ADGRL3: variants seen among roughly 807,000 people sequenced by gnomAD.
ADGRL3 encodes calcium-independent alpha-latrotoxin receptor 3.
Under a neutral mutation model 153.5 loss-of-function variants are expected in ADGRL3, and 62 were observed. That is an observed-to-expected ratio of 0.40 (90% CI 0.33 to 0.50). The LOEUF (loss-of-function observed/expected upper bound fraction) is 0.50, where lower values mean the gene tolerates loss of function less well. Among genes scored for constraint, ADGRL3 ranks in the 20% least tolerant of loss-of-function variants. The pLI is 0.47. For missense variants in ADGRL3, 1,641 were observed against 1,859.4 expected (o/e 0.88, Z 2.16); for synonymous variants, 710 against 672.5 (o/e 1.06, Z -0.86).
intron 1 of ADGRL3, among the ~76,000 whole-genome samples, chr4:61,214,992 G>A (rs1413676543): frequency 6.6e-6 from 1 of 151,990 alleles, no homozygotes; most frequent in Non-Finnish European, 1.5e-5. Context: ...CAGTAGTCAG[G>A]TAAAATTAAA....
At chr4:61,276,154 G>T (rs1168095601) in intron 1 of ADGRL3, among the ~76,000 whole-genome samples, 1 of 152,098 alleles carries the variant, frequency 6.6e-6, no homozygotes, top group Non-Finnish European at 1.5e-5. Context: ...AGGTCATGCT[G>T]CTGGGGAGAA....
intron 9 of ADGRL3, among the ~76,000 whole-genome samples, chr4:61,825,452 C>G (rs574430328): frequency 2.6e-5 from 4 of 152,194 alleles, no homozygotes; most frequent in Non-Finnish European, 5.9e-5. Context: ...ATAGTAAGAT[C>G]AAATAAAAAA....
At chr4:61,676,615 A>G (rs1474215510) in intron 5 of ADGRL3, among the ~76,000 whole-genome samples, 1 of 151,992 alleles carries the variant, frequency 6.6e-6, no homozygotes, top group Non-Finnish European at 1.5e-5. Flanking sequence ...ATATTAAATT[A>G]GCTAATATGA....
chr4:61,384,926 T>C (rs1022946652), intron 2 of ADGRL3, among the ~76,000 whole-genome samples: 1 of 152,062 alleles, frequency 6.6e-6, no homozygotes, highest in African/African-American at 2.4e-5. Flanking sequence ...GAAAAGTAAC[T>C]GCTAACGGAT....
chr4:61,978,526 A>G (rs115741256), intron 17 of ADGRL3, among the ~76,000 whole-genome samples: 1 of 152,214 alleles, frequency 6.6e-6, no homozygotes, highest in African/African-American at 2.4e-5. Context: ...AAAAGAATTG[A>G]CAGTCATAAA....
chr4:61,830,340 G>A (rs1457264015), intron 9 of ADGRL3, among the ~76,000 whole-genome samples: 1 of 151,988 alleles, frequency 6.6e-6, no homozygotes, highest in African/African-American at 2.4e-5. Flanking sequence ...CTCCAGCCTG[G>A]GCAACAGAGT....
At chr4:61,426,907 T>G (rs531406917) in intron 2 of ADGRL3, 19 of 152,324 alleles carry the variant, frequency 1.2e-4, no homozygotes, top group Admixed American at 2.6e-4. Flanking sequence ...TCAAGTCAAT[T>G]CCCATCTGTG....
At chr4:61,990,169 C>T (rs74749582) in intron 19 of ADGRL3, among the ~76,000 whole-genome samples, 2,679 of 152,082 alleles carry the variant, frequency 0.018, 90 homozygotes, top group African/African-American at 0.061. Flanking sequence ...AAAAGGTAAA[C>T]TGTGTAATAC....
At chr4:61,246,428 G>A (rs1245144860) in intron 1 of ADGRL3, among the ~76,000 whole-genome samples, 1 of 151,672 alleles carries the variant, frequency 6.6e-6, no homozygotes, top group African/African-American at 2.4e-5. Flanking sequence ...TGTATATTAG[G>A]GTTTCTTAAA....
chr4:62,020,822 T>G (rs2099234453), intron 21 of ADGRL3, among the ~76,000 whole-genome samples: 1 of 152,144 alleles, frequency 6.6e-6, no homozygotes, highest in African/African-American at 2.4e-5. Flanking sequence ...GGATATAATA[T>G]GAGTTAAACT....
intron 1 of ADGRL3, among the ~76,000 whole-genome samples, chr4:61,252,216 TA>T (rs1391624839): frequency 2.6e-5 from 4 of 152,152 alleles, no homozygotes; most frequent in African/African-American, 9.7e-5. Flanking sequence ...TTGCCTATTT[TA>T]AAAATGTCTA....
chr4:61,513,248 A>G (rs573559263), intron 3 of ADGRL3, among the ~76,000 whole-genome samples: 2 of 152,260 alleles, frequency 1.3e-5, no homozygotes, highest in East Asian at 3.9e-4. Context: ...TTGGTTAGAA[A>G]CAGTACTTAC....
At chr4:61,354,273 C>A (rs1264916857) in intron 1 of ADGRL3, among the ~76,000 whole-genome samples, 2 of 152,154 alleles carry the variant, frequency 1.3e-5, no homozygotes, top group Non-Finnish European at 2.9e-5. Flanking sequence ...TGCAATGTAG[C>A]TGTGTTGCTC....
intron 5 of ADGRL3, among the ~76,000 whole-genome samples, chr4:61,588,629 A>C (rs1291578337): frequency 6.6e-6 from 1 of 151,984 alleles, no homozygotes; most frequent in East Asian, 1.9e-4. Flanking sequence ...ATAAGAAATA[A>C]GATATTAAAA....
At chr4:61,626,852 C>T (rs2092860249) in intron 5 of ADGRL3, among the ~76,000 whole-genome samples, 1 of 152,020 alleles carries the variant, frequency 6.6e-6, no homozygotes, top group African/African-American at 2.4e-5. Flanking sequence ...TAATATACTA[C>T]TCAGACGCTT....
chr4:61,434,904 A>G (rs919243992), intron 2 of ADGRL3, among the ~76,000 whole-genome samples: 29 of 152,088 alleles, frequency 1.9e-4, no homozygotes, highest in African/African-American at 7.0e-4. Flanking sequence ...GGCTTTGCAA[A>G]TGTTTTAATT....
At chr4:61,204,780 A>G (rs928554844) in intron 1 of ADGRL3, among the ~76,000 whole-genome samples, 1 of 152,134 alleles carries the variant, frequency 6.6e-6, no homozygotes, top group Non-Finnish European at 1.5e-5. Context: ...AGGCTGCATC[A>G]GGCATCCCCG....
chr4:61,980,229 A>AT (rs1227639120), intron 18 of ADGRL3, among the ~76,000 whole-genome samples: 13 of 149,006 alleles, frequency 8.7e-5, no homozygotes, highest in Admixed American at 6.1e-4. Context: ...TTTGAGTATA[A>AT]TTTTTTCACT....
chr4:61,517,037 T>C (rs961792571), intron 3 of ADGRL3, among the ~76,000 whole-genome samples: 1 of 151,970 alleles, frequency 6.6e-6, no homozygotes, highest in African/African-American at 2.4e-5. Context: ...TTTCAATAAT[T>C]ATGTCTAATT....
Sources: gnomAD v4.1 joint callset for allele counts (sites outside exome capture counted in the v4.1 genomes callset) on GRCh38, gnomAD v4.1.1 for gene constraint, MANE v1.5 for transcripts, NCBI Gene and HGNC (gene_info 2026-07-23, HGNC 2026-07-21) for gene names.